PPP1R13B: variants seen among roughly 807,000 people sequenced by gnomAD.
PPP1R13B encodes apoptosis-stimulating of p53 protein 1.
PPP1R13B carries 44 observed loss-of-function variants against 119.8 expected under a neutral mutation model. The ratio of observed to expected loss-of-function variants is 0.37; its 90% CI spans 0.29 to 0.47. The LOEUF (loss-of-function observed/expected upper bound fraction) is 0.47, where lower values mean the gene tolerates loss of function less well. Ranked by LOEUF, PPP1R13B falls within the 20% of genes least tolerant of loss-of-function variation. PPP1R13B has a pLI of 0.99. For synonymous variants in PPP1R13B, 542 were observed against 561.5 expected, an observed-to-expected ratio of 0.97 and a Z score of 0.49; for missense variants, 1,227 against 1,413.5, an observed-to-expected ratio of 0.87 and a Z score of 2.12.
intron 1 of PPP1R13B, among the ~76,000 whole-genome samples, chr14:103,830,807 C>A (rs2086648661): frequency 6.6e-6 from 1 of 152,028 alleles, no homozygotes; most frequent in African/African-American, 2.4e-5. Flanking sequence ...CTATTGAGAA[C>A]CTAGGGTATG....
chr14:103,744,518 GC>G (rs1318022628), intron 9 of PPP1R13B, among the ~76,000 whole-genome samples: 2 of 152,190 alleles, frequency 1.3e-5, no homozygotes, highest in Non-Finnish European at 2.9e-5. Flanking sequence ...GATGTGATGA[GC>G]AGACCTTTGT....
intron 1 of PPP1R13B, among the ~76,000 whole-genome samples, chr14:103,836,266 G>A (rs75501913): frequency 3.4e-5 from 5 of 148,632 alleles, no homozygotes; most frequent in South Asian, 2.2e-4. Context: ...GGCTGGTCTC[G>A]AATTCCTGAC....
chr14:103,774,702 G>C lies in PPP1R13B; in HGVS notation c.354+4043C>G, dbSNP rs77176134. On this transcript the variant is annotated intron_variant, in intron 4 of 16. Transcript: ENST00000202556. ...ATCTATCCTTAGATGTCTCAGCCCA[G>C]AAGTTAGAAGGCTTATTAGCATGTC... 4.2e-3 allele frequency among the ~76,000 whole-genome samples: 634 copies of C among 152,268 alleles called. 5 individuals are homozygous for C. The highest frequency in any genetic ancestry group is 0.015 in the African/African-American group (616 of 41,548).
At chr14:103,767,915 A>G (rs754811037) in intron 4 of PPP1R13B, among the ~76,000 whole-genome samples, 1 of 152,016 alleles carries the variant, frequency 6.6e-6, no homozygotes, top group Non-Finnish European at 1.5e-5. Flanking sequence ...TACACTTTTC[A>G]TACTAGCATG....
chr14:103,816,389 C>T (rs1396160584), intron 1 of PPP1R13B, among the ~76,000 whole-genome samples: 4 of 147,168 alleles, frequency 2.7e-5, no homozygotes, highest in Admixed American at 6.8e-5. Flanking sequence ...AACTCCAGAA[C>T]TCAGGCCAGG....
Position 103,734,475 on chromosome 14 carries a change from A to T in PPP1R13B, c.*679T>A. Reference sequence around the variant, plus strand: ...GAAGAGTATATGCTGAGGCTCTCCCAGTTGTCACTTGGTCTTAGGGGTCCT... The same window carrying T: ...GAAGAGTATATGCTGAGGCTCTCCCTGTTGTCACTTGGTCTTAGGGGTCCT... On this transcript the variant is annotated 3_prime_UTR_variant, in exon 17 of 17. Coordinates refer to ENST00000202556, the MANE Select transcript of PPP1R13B (RefSeq NM_015316.3). The T allele has an allele frequency of 2.2e-6, 1 of 455,540 alleles. No homozygotes were observed. Among genetic ancestry groups the T allele is most frequent in the Non-Finnish European group, 4.4e-6 (1 of 226,376 alleles). 28.2% of individuals were successfully genotyped at this position (455,540 alleles called of 1,614,324 possible). A position where few individuals can be genotyped will look rare whatever the true frequency, so the allele number is the denominator to read the frequency against.
chr14:103,835,536 C>CCTA (rs1043137701), intron 1 of PPP1R13B, among the ~76,000 whole-genome samples: 3 of 151,754 alleles, frequency 2.0e-5, no homozygotes, highest in Admixed American at 6.6e-5. Flanking sequence ...TTCAAGCGAT[C>CCTA]CTAGTGCCTT....
rs759666932 is a variant in PPP1R13B, at chr14:103,746,519, G to T, written c.1004C>A (p.Ser335Tyr). The change falls in exon 9 of 17, where the codon TCC becomes TAC. Residue 335 changes from serine to tyrosine, a missense_variant. Physicochemically the swap from Ser to Tyr is moderately radical, Grantham distance 144. Transcript: ENST00000202556. ...GACCCTGCCCGATGTGCTCAGAGGG[G>T]ACTGTGGTGATGACGTGCCATTCAC... is the stretch of plus-strand genomic sequence containing the variant. ...NRVNGTSSPQ[S>Y]PLSTSGRVAA... The T allele has an allele frequency of 6.2e-7, 1 of 1,609,262 alleles. No individual in the cohort carries two copies. Among genetic ancestry groups the T allele is most frequent in the East Asian group, 2.2e-5 (1 of 44,752 alleles).
chr14:103,778,406 C>T (rs377141703), intron 4 of PPP1R13B, among the ~76,000 whole-genome samples: 2 of 151,874 alleles, frequency 1.3e-5, no homozygotes, highest in East Asian at 1.9e-4. Context: ...GGACTACAGG[C>T]GCATGCCACC....
chr14:103,838,945 A>G (rs924050549), intron 1 of PPP1R13B, among the ~76,000 whole-genome samples: 1 of 152,194 alleles, frequency 6.6e-6, no homozygotes, highest in Non-Finnish European at 1.5e-5. Flanking sequence ...GGCAATGACT[A>G]TTACTCAGAA....
At chr14:103,800,652 C>CA (rs1358267585) in intron 1 of PPP1R13B, among the ~76,000 whole-genome samples, 10 of 132,692 alleles carry the variant, frequency 7.5e-5, no homozygotes, top group African/African-American at 1.0e-4. Context: ...AAGACTGTCT[C>CA]AAAAAAACAA....
intron 1 of PPP1R13B, among the ~76,000 whole-genome samples, chr14:103,838,212 A>G (rs997615315): frequency 3.4e-5 from 2 of 58,380 alleles, no homozygotes; most frequent in Non-Finnish European, 8.9e-5. Flanking sequence ...CTGTTATGGC[A>G]CACACACACA....
chr14:103,739,107 A>G, intron 12 of PPP1R13B, 84 bp from the exon 13 acceptor site: 20 of 1,532,846 alleles, frequency 1.3e-5, no homozygotes, highest in Non-Finnish European at 1.6e-5. Context: ...GAGTGGTGGG[A>G]GCTAAAGCCC....
chr14:103,741,402 C>T (rs1481105597), intron 11 of PPP1R13B, among the ~76,000 whole-genome samples: 1 of 152,220 alleles, frequency 6.6e-6, no homozygotes, highest in Non-Finnish European at 1.5e-5. Flanking sequence ...GCCCAGGGGT[C>T]GGGCTCAGCC....
At chr14:103,835,572 A>G (rs1364590626) in intron 1 of PPP1R13B, among the ~76,000 whole-genome samples, 1 of 151,788 alleles carries the variant, frequency 6.6e-6, no homozygotes, top group Admixed American at 6.6e-5. Flanking sequence ...TGGGTCTACA[A>G]AGGCATGCCA....
At chr14:103,829,655 G>A (rs2086625190) in intron 1 of PPP1R13B, among the ~76,000 whole-genome samples, 1 of 152,162 alleles carries the variant, frequency 6.6e-6, no homozygotes, top group Admixed American at 6.6e-5. Context: ...TGCCACCTAG[G>A]CTGGAGTTCA....
intron 1 of PPP1R13B, among the ~76,000 whole-genome samples, chr14:103,819,605 GT>G (rs2086360660): frequency 6.6e-6 from 1 of 152,090 alleles, no homozygotes; most frequent in Non-Finnish European, 1.5e-5. Context: ...AACCCTAGAG[GT>G]AATGCAAAAT....
At chr14:103,752,835 T>C (rs1381086438) in intron 7 of PPP1R13B, among the ~76,000 whole-genome samples, 165 bp downstream of exon 7, 2 of 152,178 alleles carry the variant, frequency 1.3e-5, no homozygotes, top group Non-Finnish European at 2.9e-5. Context: ...ACCCGGCCTA[T>C]CCCAAGTCAT....
chr14:103,797,253 CTTAG>C (rs1213648138), intron 2 of PPP1R13B, 114 bp downstream of exon 2: 16 of 948,108 alleles, frequency 1.7e-5, no homozygotes, highest in Middle Eastern at 4.4e-4. Flanking sequence ...ATTATATGTA[CTTAG>C]TTACTTTTTT....
Sources: gnomAD v4.1 joint callset for allele counts (sites outside exome capture counted in the v4.1 genomes callset) on GRCh38, gnomAD v4.1.1 for gene constraint, MANE v1.5 for transcripts, NCBI Gene and HGNC (gene_info 2026-07-23, HGNC 2026-07-21) for gene names.